Variants in TNRC6C observed in about 807,000 individuals in gnomAD.
TNRC6C encodes the protein trinucleotide repeat-containing gene 6C protein.
TNRC6C carries 20 observed loss-of-function variants against 153.7 expected under a neutral mutation model. The ratio of observed to expected loss-of-function variants is 0.13; its 90% CI spans 0.09 to 0.19. The LOEUF (loss-of-function observed/expected upper bound fraction) is 0.19, where lower values mean the gene tolerates loss of function less well. TNRC6C is among the 10% of genes least tolerant of loss of function. The pLI is 1.00. For synonymous variants in TNRC6C, 811 were observed against 841.4 expected (o/e 0.96, Z 0.63); for missense variants, 1,987 against 2,172.0 (o/e 0.91, Z 1.69).
rs191714795 is a variant in TNRC6C, at chr17:78,030,821, G to A, written c.-545-695G>A. On this transcript the variant is annotated intron_variant, in intron 1 of 19. Coordinates refer to ENST00000301624, the Ensembl canonical transcript of TNRC6C. ...ATTGTTAGAAATGCAAATTCCGGCC[G>A]GGCATGGTGGCTCACACCCGTAATC... Among the ~76,000 whole-genome samples the A allele has an allele frequency of 1.6e-4, 24 of 152,202 alleles. No individual in the cohort carries two copies. In the East Asian group the frequency reaches 3.7e-3, roughly 23 times the overall value.
At chr17:78,019,624 AATTTCC>A (rs562839023) in intron 1 of TNRC6C, among the ~76,000 whole-genome samples, 90 of 152,336 alleles carry the variant, frequency 5.9e-4, no homozygotes, top group African/African-American at 1.9e-3. Flanking sequence ...GAGTAACCAA[AATTTCC>A]ATCTTGCTGA....
At chr17:78,068,377 T>C (rs1365225808) in intron 5 of TNRC6C, among the ~76,000 whole-genome samples, 1 of 152,238 alleles carries the variant, frequency 6.6e-6, no homozygotes, top group African/African-American at 2.4e-5. Flanking sequence ...TAATTTCTAA[T>C]ACAGTAAATA....
intron 11 of TNRC6C, among the ~76,000 whole-genome samples, chr17:78,083,436 A>G (rs1418309548): frequency 3.9e-5 from 6 of 152,218 alleles, no homozygotes; most frequent in South Asian, 2.1e-4. Flanking sequence ...TCCTGGACTC[A>G]AGGGATCCTC....
intron 1 of TNRC6C, among the ~76,000 whole-genome samples, chr17:77,998,656 A>G (rs1253226098): frequency 2.6e-5 from 4 of 152,014 alleles, no homozygotes; most frequent in African/African-American, 9.7e-5. Flanking sequence ...TTAGTTCTAA[A>G]CTTTTATTTG....
intron 1 of TNRC6C, among the ~76,000 whole-genome samples, chr17:77,968,174 A>G (rs1013472461): frequency 2.6e-5 from 4 of 152,188 alleles, no homozygotes; most frequent in African/African-American, 9.7e-5. Context: ...GCGGGATTAC[A>G]GGTGCCTGCC....
chr17:77,976,661 G>T (rs1275562395), intron 1 of TNRC6C, among the ~76,000 whole-genome samples: 1 of 152,120 alleles, frequency 6.6e-6, no homozygotes, highest in Non-Finnish European at 1.5e-5. Flanking sequence ...GGATACGGTG[G>T]CTCATGCCTG....
chr17:78,043,214 GTGGGC>G (rs753251635), intron 2 of TNRC6C, among the ~76,000 whole-genome samples: 50 of 152,310 alleles, frequency 3.3e-4, no homozygotes, highest in Admixed American at 1.0e-3. Flanking sequence ...TGAAACTTCA[GTGGGC>G]TGGGCTGGGC....
chr17:77,998,265 T>C (rs1250209442), intron 1 of TNRC6C, among the ~76,000 whole-genome samples: 1 of 152,206 alleles, frequency 6.6e-6, no homozygotes, highest in Non-Finnish European at 1.5e-5. Context: ...ACATAGTCTT[T>C]TGAGTTTGGC....
chr17:78,051,252 T>C (rs926647581), exon 3 of TNRC6C: 3 of 1,556,552 alleles, frequency 1.9e-6, no homozygotes, highest in Non-Finnish European at 1.7e-6. Flanking sequence ...GTACCTCAGC[T>C]TGGGGGGACC....
chr17:78,099,579 A>G (rs2073551945), intron 17 of TNRC6C, among the ~76,000 whole-genome samples: 1 of 152,118 alleles, frequency 6.6e-6, no homozygotes, highest in African/African-American at 2.4e-5. Context: ...CAGCATGGAA[A>G]AGACCTGCCC....
chr17:78,016,301 C>T (rs1348185501), intron 1 of TNRC6C, among the ~76,000 whole-genome samples: 1 of 152,220 alleles, frequency 6.6e-6, no homozygotes, highest in African/African-American at 2.4e-5. Context: ...CAGTACTGTG[C>T]TTACAGGCAC....
chr17:77,982,478 A>C (rs1283277941), intron 1 of TNRC6C, among the ~76,000 whole-genome samples: 2 of 152,216 alleles, frequency 1.3e-5, no homozygotes, highest in Non-Finnish European at 2.9e-5. Flanking sequence ...GAAAGGAAAT[A>C]AAATAATAAA....
chr17:78,079,386 C>T lies in TNRC6C; in HGVS notation c.3211-9C>T. On this transcript the variant is annotated splice_polypyrimidine_tract_variant and intron_variant, in intron 9 of 19. Transcript: ENST00000301624. The surrounding 1 kb of genome is among the most constrained non-coding windows in gnomAD (Gnocchi z 4.3). The stretch of plus-strand genomic sequence containing the variant: ...CCTTGGTAACGTGTTTAATTCTGTC[C>T]CTGTGCAGATACCGAGTGGCAATCT... 6.2e-7 allele frequency: 1 copy of T among 1,613,370 alleles called. No homozygotes were observed. Among genetic ancestry groups the T allele is most frequent in the Non-Finnish European group, 8.5e-7 (1 of 1,179,500 alleles).
intron 18 of TNRC6C, 116 bp downstream of exon 21, chr17:78,102,660 TC>T: frequency 9.3e-7 from 1 of 1,070,136 alleles, no homozygotes; most frequent in Non-Finnish European, 1.3e-6. Context: ...TTGGTCAGGG[TC>T]CATAAGTGAC....
intron 1 of TNRC6C, among the ~76,000 whole-genome samples, chr17:77,986,550 T>A (rs2071172408): frequency 6.6e-6 from 1 of 152,220 alleles, no homozygotes; most frequent in Non-Finnish European, 1.5e-5. Context: ...TTCTAATTTT[T>A]AAAAAATGTA....
At chr17:78,009,476 C>T (rs2071584080) in intron 1 of TNRC6C, among the ~76,000 whole-genome samples, 1 of 152,176 alleles carries the variant, frequency 6.6e-6, no homozygotes, top group South Asian at 2.1e-4. Flanking sequence ...ATACAAAAAG[C>T]TCAAAGTTAA....
chr17:78,093,540 G>T (rs1025987903), intron 15 of TNRC6C, 80 bp from the exon 18 acceptor site: 1 of 1,548,340 alleles, frequency 6.5e-7, no homozygotes. Context: ...CTACAAACAG[G>T]ACAAAACATC....
At position 78,065,911 on chromosome 17, in the gene TNRC6C, A is replaced by G. The variant is rs140176090; in HGVS notation, c.2611+974A>G. ...ATATTTGTAATATTAACATGAGTAT[A>G]AGATTACTGATTTAAATCTGATATT... On this transcript the variant is annotated intron_variant, in intron 4 of 19. Transcript: ENST00000301624. Among the ~76,000 whole-genome samples the G allele has an allele frequency of 2.3e-3, 347 of 152,276 alleles. 1 individual carries two copies. Among genetic ancestry groups the G allele is most frequent in the African/African-American group, 8.1e-3 (335 of 41,540 alleles).
At position 78,104,660 on chromosome 17, in the gene TNRC6C, G is replaced by A. The variant is rs1022367290; in HGVS notation, c.4888G>A (p.Ala1630Thr). 27 of 1,544,074 alleles carry A rather than the reference G, an allele frequency of 1.7e-5. No individual in the cohort carries two copies. In the East Asian group the frequency reaches 5.1e-4, roughly 29 times the overall value. The change falls in exon 20 of 20, where the codon GCT becomes ACT. Residue 1630 changes from alanine (A) to threonine (T), a missense_variant. Coordinates refer to ENST00000301624, the Ensembl canonical transcript of TNRC6C. This position sits in a 1 kb window ranked among gnomAD's most constrained non-coding sequence, Gnocchi z 6.2. Reference sequence around the variant, plus strand: ...CTCCCATGGCCTGGTACGCAGCGACGCTGGCCACTGGAACGCCCCGTGCCT... The same window carrying A: ...CTCCCATGGCCTGGTACGCAGCGACACTGGCCACTGGAACGCCCCGTGCCT...
Sources: gnomAD v4.1 joint callset for allele counts (sites outside exome capture counted in the v4.1 genomes callset) on GRCh38, gnomAD v4.1.1 for gene constraint, Gnocchi (gnomAD v3.1) non-coding constraint, MANE v1.5 for transcripts, NCBI Gene and HGNC (gene_info 2026-07-23, HGNC 2026-07-21) for gene names.